Variants in GRID2 observed in about 807,000 individuals in gnomAD.
GRID2 encodes the protein glutamate receptor ionotropic, delta-2.
In GRID2, 33 loss-of-function variants were observed where a neutral mutation model predicts 114.8. That is an observed-to-expected ratio of 0.29 (90% CI 0.22 to 0.38). The LOEUF is 0.38. Among genes scored for constraint, GRID2 ranks in the 10% least tolerant of loss-of-function variants. GRID2 has a pLI of 1.00. For missense variants in GRID2, 1,184 were observed against 1,257.7 expected (o/e 0.94, Z 0.89); for synonymous variants, 505 against 449.9 (o/e 1.12, Z -1.55).
intron 2 of GRID2, among the ~76,000 whole-genome samples, chr4:92,840,322 T>C (rs971010093): frequency 6.6e-6 from 1 of 152,028 alleles, no homozygotes; most frequent in Non-Finnish European, 1.5e-5. Context: ...TTACATTCAA[T>C]ATTATTATTG....
intron 8 of GRID2, among the ~76,000 whole-genome samples, chr4:93,273,152 C>T (rs1751669462): frequency 6.6e-6 from 1 of 152,200 alleles, no homozygotes; most frequent in Admixed American, 6.5e-5. Flanking sequence ...TCTCACTAGA[C>T]TCTATGCCTG....
downstream of GRID2, among the ~76,000 whole-genome samples, chr4:93,774,788 A>G (rs1263018770): frequency 1.3e-5 from 2 of 152,076 alleles, no homozygotes; most frequent in African/African-American, 2.4e-5. Flanking sequence ...TGAACCAACA[A>G]TACATTTGTT....
chr4:92,549,257 A>G (rs553873287), intron 1 of GRID2, among the ~76,000 whole-genome samples: 61 of 152,266 alleles, frequency 4.0e-4, no homozygotes, highest in African/African-American at 1.4e-3. Flanking sequence ...TTTATACGGT[A>G]CCTACTGAAA....
intron 13 of GRID2, among the ~76,000 whole-genome samples, chr4:93,563,936 C>A (rs1735158540): frequency 6.6e-6 from 1 of 151,358 alleles, no homozygotes; most frequent in Non-Finnish European, 1.5e-5. Context: ...GATTTCAAAT[C>A]TGTAAATTAA....
intron 1 of GRID2, among the ~76,000 whole-genome samples, chr4:92,507,615 A>T (rs866199613): frequency 2.7e-4 from 41 of 151,094 alleles, no homozygotes; most frequent in African/African-American, 9.7e-4. Context: ...TTCTGTAAAA[A>T]CTCTCAATAT....
At position 92,756,004 on chromosome 4, in the gene GRID2, G is replaced by A. The variant is rs187338858; in HGVS notation, c.244+165718G>A. On this transcript the variant is annotated intron_variant, in intron 2 of 15. Transcript: ENST00000282020. ...CGCTTCTAGCTATTTGAAATGTACA[G>A]TACATTGTTATTAACTATAGTCACC... is the stretch of plus-strand genomic sequence containing the variant. Among the ~76,000 whole-genome samples, 312 of 152,232 alleles carry A rather than the reference G, an allele frequency of 2.0e-3. 2 individuals carry two copies. The highest frequency in any genetic ancestry group is 3.4e-3 in the Non-Finnish European group (230 of 68,002).
rs541511963 is a variant in GRID2, at chr4:92,938,845, A to G, written c.245-146150A>G. ...TTTTTTGTCCTTGCGATAGTTTGCTAAGAATGATGGTTTCCAGCTTCAACC... is the reference window on the plus strand; with the variant it reads ...TTTTTTGTCCTTGCGATAGTTTGCTGAGAATGATGGTTTCCAGCTTCAACC... On this transcript the variant is annotated intron_variant, in intron 2 of 15. Coordinates refer to ENST00000282020, the MANE Select transcript of GRID2 (RefSeq NM_001510.4). 1.5e-3 allele frequency among the ~76,000 whole-genome samples: 223 copies of G among 145,352 alleles called. 6 individuals carry two copies. The highest frequency in any genetic ancestry group is 5.1e-3 in the African/African-American group (211 of 41,008).
At chr4:92,652,699 G>A (rs889651779) in intron 2 of GRID2, among the ~76,000 whole-genome samples, 6 of 144,866 alleles carry the variant, frequency 4.1e-5, no homozygotes, top group Admixed American at 7.0e-5. Context: ...GGCCGGGCGC[G>A]GTGGCTCACT....
intron 1 of GRID2, among the ~76,000 whole-genome samples, chr4:93,790,503 A>G (rs1458696719): frequency 6.6e-6 from 1 of 151,644 alleles, no homozygotes. Flanking sequence ...GGTATACCTA[A>G]TGGTTGCTTC....
At chr4:92,487,673 A>AT (rs1393400549) in intron 1 of GRID2, among the ~76,000 whole-genome samples, 23 of 151,688 alleles carry the variant, frequency 1.5e-4, no homozygotes, top group African/African-American at 4.6e-4. Context: ...GGCTTTACTA[A>AT]TTTTCTCTTG....
intron 1 of GRID2, among the ~76,000 whole-genome samples, chr4:92,520,474 A>T (rs1579508692): frequency 6.6e-6 from 1 of 151,756 alleles, no homozygotes; most frequent in South Asian, 2.1e-4. Flanking sequence ...TTCCACTGCC[A>T]ATTTTGTATT....
chr4:92,760,587 C>G (rs1737960762), intron 2 of GRID2, among the ~76,000 whole-genome samples: 1 of 152,122 alleles, frequency 6.6e-6, no homozygotes. Context: ...TAATCTATAG[C>G]TCTCCCAATT....
At chr4:93,538,634 T>C (rs1428185778) in intron 13 of GRID2, among the ~76,000 whole-genome samples, 1 of 151,724 alleles carries the variant, frequency 6.6e-6, no homozygotes, top group Non-Finnish European at 1.5e-5. Context: ...GATCTATAGA[T>C]GGGAGAGGCA....
intron 2 of GRID2, 33 bp from the exon 3 acceptor site, chr4:93,084,962 T>C (rs771194344): frequency 3.2e-6 from 5 of 1,584,854 alleles, no homozygotes; most frequent in Non-Finnish European, 2.6e-6. Flanking sequence ...TGAAACCCAC[T>C]GACATTTTGA....
chr4:93,553,464 A>C (rs944162693), intron 13 of GRID2, among the ~76,000 whole-genome samples: 2 of 152,190 alleles, frequency 1.3e-5, no homozygotes, highest in Non-Finnish European at 2.9e-5. Context: ...ATTATAGTTC[A>C]TCTTGCTCAA....
chr4:93,565,891 T>G (rs796956809), intron 13 of GRID2, among the ~76,000 whole-genome samples: 1 of 152,264 alleles, frequency 6.6e-6, no homozygotes, highest in African/African-American at 2.4e-5. Context: ...TATCTTGCCC[T>G]TTTTAGAACT....
At chr4:93,309,289 C>T (rs57353227) in intron 8 of GRID2, among the ~76,000 whole-genome samples, 5,478 of 152,180 alleles carry the variant, frequency 0.036, 355 homozygotes, top group African/African-American at 0.12. Flanking sequence ...AATCCCAACA[C>T]TTTGGGAGGC....
intron 2 of GRID2, among the ~76,000 whole-genome samples, chr4:92,877,077 AT>A (rs201915359): frequency 1.3e-5 from 2 of 152,296 alleles, no homozygotes; most frequent in East Asian, 3.9e-4. Context: ...AACAAAACAA[AT>A]TTTTTTAAAA....
intron 8 of GRID2, among the ~76,000 whole-genome samples, chr4:93,267,483 G>A (rs747203070): frequency 2.0e-5 from 3 of 152,210 alleles, no homozygotes; most frequent in African/African-American, 7.2e-5. Flanking sequence ...AGCCTAGCAA[G>A]TGATATTGGG....
Sources: gnomAD v4.1 joint callset for allele counts (sites outside exome capture counted in the v4.1 genomes callset) on GRCh38, gnomAD v4.1.1 for gene constraint, MANE v1.5 for transcripts, NCBI Gene and HGNC (gene_info 2026-07-23, HGNC 2026-07-21) for gene names.